The following HDAC9 variants were observed in gnomAD, a reference collection of about 807,000 sequenced individuals.
HDAC9 encodes the protein histone deacetylase 9, also known as MEF-2 interacting transcription repressor (MITR) protein.
A neutral mutation model predicts 139.4 loss-of-function variants in HDAC9; 41 were observed. That is an observed-to-expected ratio of 0.29 (90% confidence interval 0.23 to 0.38). The LOEUF (loss-of-function observed/expected upper bound fraction) is 0.38. HDAC9 is among the 10% of genes least tolerant of loss of function. The pLI is 1.00. For missense variants in HDAC9, 1,147 were observed against 1,297.0 expected (o/e 0.88, Z 1.78); for synonymous variants, 517 against 476.2 (o/e 1.09, Z -1.12).
At chr7:18,855,604 G>A (rs1797618007) in intron 21 of HDAC9, among the ~76,000 whole-genome samples, 1 of 151,826 alleles carries the variant, frequency 6.6e-6, no homozygotes, top group Non-Finnish European at 1.5e-5. Flanking sequence ...AACTGCCTGT[G>A]GTTTCACCAC....
chr7:18,091,568 G>T (rs1208769501), intron 1 of HDAC9, among the ~76,000 whole-genome samples: 1 of 152,168 alleles, frequency 6.6e-6, no homozygotes, highest in Non-Finnish European at 1.5e-5. Flanking sequence ...TTTATTAGAG[G>T]ATATTGACTT....
chr7:18,367,831 G>A (rs898309975), intron 1 of HDAC9, among the ~76,000 whole-genome samples: 3 of 152,004 alleles, frequency 2.0e-5, no homozygotes, highest in South Asian at 2.1e-4. Context: ...TGTTTCCCAT[G>A]TTTCCCAACA....
intron 2 of HDAC9, among the ~76,000 whole-genome samples, chr7:18,574,526 A>C (rs1825376890): frequency 1.3e-5 from 2 of 152,128 alleles, no homozygotes; most frequent in South Asian, 4.1e-4. Flanking sequence ...CCCTGGCTTG[A>C]AGGTGGGGCT....
chr7:18,727,520 A>T, intron 12 of HDAC9, 60 bp from the exon 13 acceptor site: 1 of 1,383,422 alleles, frequency 7.2e-7, no homozygotes, highest in African/African-American at 1.5e-5. Flanking sequence ...CATGTCGCTC[A>T]GTGTCTCCCT....
At chr7:18,728,422 C>T (rs1181513566) in intron 13 of HDAC9, among the ~76,000 whole-genome samples, 2 of 151,028 alleles carry the variant, frequency 1.3e-5, no homozygotes, top group East Asian at 3.9e-4. Context: ...CACACACACA[C>T]ACACACACAC....
intron 1 of HDAC9, among the ~76,000 whole-genome samples, chr7:18,428,807 C>T (rs1790360847): frequency 1.3e-5 from 2 of 152,160 alleles, no homozygotes; most frequent in African/African-American, 2.4e-5. Flanking sequence ...TGTGGCTCCC[C>T]TCACTCTGAT....
intron 22 of HDAC9, among the ~76,000 whole-genome samples, chr7:18,906,002 TTTA>T (rs1162586555): frequency 2.6e-5 from 4 of 151,202 alleles, no homozygotes; most frequent in Non-Finnish European, 5.9e-5. Flanking sequence ...TCTCTCTCTC[TTTA>T]TTTTTTCTTT....
chr7:18,893,914 G>T (rs966750493), intron 22 of HDAC9, among the ~76,000 whole-genome samples: 1 of 152,182 alleles, frequency 6.6e-6, no homozygotes, highest in Non-Finnish European at 1.5e-5. Flanking sequence ...AACAGAAAGG[G>T]CAATAGCCCT....
chr7:18,257,438 A>AAC (rs1795349802), intron 2 of HDAC9, among the ~76,000 whole-genome samples: 1 of 132,502 alleles, frequency 7.5e-6, no homozygotes, highest in East Asian at 2.3e-4. Flanking sequence ...CACACACACA[A>AAC]AAAGAAAAAA....
intron 22 of HDAC9, among the ~76,000 whole-genome samples, chr7:18,888,409 A>G (rs1407744737): frequency 6.6e-6 from 1 of 152,210 alleles, no homozygotes; most frequent in East Asian, 1.9e-4. Context: ...TGGGCGACAG[A>G]GCGAGACTCC....
chr7:18,819,448 A>T (rs948639467), intron 17 of HDAC9, among the ~76,000 whole-genome samples: 2 of 152,180 alleles, frequency 1.3e-5, no homozygotes, highest in African/African-American at 4.8e-5. Context: ...TGCCCAGAAA[A>T]TGTGAATTTC....
intron 2 of HDAC9, among the ~76,000 whole-genome samples, chr7:18,265,432 G>A (rs923659629): frequency 7.9e-5 from 12 of 152,126 alleles, no homozygotes; most frequent in Admixed American, 1.3e-4. Flanking sequence ...CACCAAGGAA[G>A]CATATTGTAT....
intron 12 of HDAC9, among the ~76,000 whole-genome samples, chr7:18,694,787 T>G (rs1241406993): frequency 6.6e-6 from 1 of 152,082 alleles, no homozygotes; most frequent in Non-Finnish European, 1.5e-5. Flanking sequence ...GAAAACTACA[T>G]TAAAGAGGCC....
At chr7:18,292,363 A>G (rs1797862479) in intron 1 of HDAC9, among the ~76,000 whole-genome samples, 1 of 152,130 alleles carries the variant, frequency 6.6e-6, no homozygotes, top group Non-Finnish European at 1.5e-5. Context: ...AGGTTTGTTC[A>G]AACATGTGCA....
chr7:18,635,868 G>A (rs1783727040), intron 8 of HDAC9, among the ~76,000 whole-genome samples: 1 of 151,984 alleles, frequency 6.6e-6, no homozygotes, highest in South Asian at 2.1e-4. Flanking sequence ...TGTCTCCTGA[G>A]GCAACCCAGT....
intron 24 of HDAC9, among the ~76,000 whole-genome samples, chr7:18,960,962 G>C (rs1428923613): frequency 6.6e-6 from 1 of 152,180 alleles, no homozygotes; most frequent in African/African-American, 2.4e-5. Flanking sequence ...TGTTTCTCCA[G>C]ATTGCAACGT....
intron 12 of HDAC9, among the ~76,000 whole-genome samples, chr7:18,702,452 T>G (rs142362433): frequency 6.6e-6 from 1 of 152,342 alleles, no homozygotes; most frequent in African/African-American, 2.4e-5. Context: ...TGCATAATTT[T>G]GGGATGCGGC....
chr7:18,531,662 G>GA (rs370759747), intron 2 of HDAC9, among the ~76,000 whole-genome samples: 243 of 151,816 alleles, frequency 1.6e-3, no homozygotes, highest in African/African-American at 5.5e-3. Context: ...AAATGGAAAG[G>GA]AAAAAATCCT....
At chr7:18,483,724 C>T (rs1795755897) in intron 1 of HDAC9, among the ~76,000 whole-genome samples, 1 of 152,052 alleles carries the variant, frequency 6.6e-6, no homozygotes, top group Non-Finnish European at 1.5e-5. Context: ...TCTGTTTTTT[C>T]ATTTATCTCA....
Sources: allele counts gnomAD v4.1 joint callset (sites outside exome capture counted in the v4.1 genomes callset), GRCh38; gene constraint gnomAD v4.1.1; transcripts MANE v1.5; gene names NCBI Gene and HGNC (gene_info 2026-07-23, HGNC 2026-07-21).